CDH22: variants seen among roughly 807,000 people sequenced by gnomAD.
CDH22 encodes cadherin 22.
CDH22 carries 30 observed loss-of-function variants against 58.4 expected under a neutral mutation model. The ratio of observed to expected loss-of-function variants is 0.51; its 90% confidence interval spans 0.38 to 0.70. The LOEUF is 0.70. Ranked by LOEUF, CDH22 falls within the 30% of genes least tolerant of loss-of-function variation. CDH22 has a pLI of 0.00. For synonymous variants in CDH22, 513 were observed against 558.2 expected (o/e 0.92, Z 1.14); for missense variants, 1,014 against 1,233.9 (o/e 0.82, Z 2.67).
In CDH22 at chr20:46,251,053, A is replaced by C; in HGVS notation, c.242T>G (p.Leu81Arg). 6.2e-7 allele frequency: 1 copy of C among 1,609,894 alleles called. No individual in the cohort carries two copies. The highest frequency in any genetic ancestry group is 2.2e-5 in the East Asian group (1 of 44,466). Residue 81 changes from leucine (L) to arginine (R), a missense_variant, in exon 2 of 12, where the codon CTG becomes CGG. By Grantham distance (102) the Leu-to-Arg change is moderately radical. Coordinates refer to ENST00000537909, the MANE Select transcript of CDH22 (RefSeq NM_021248.3). The surrounding 1 kb of genome is among the most constrained non-coding windows in gnomAD (Gnocchi z 6.7). Reference sequence around the variant, plus strand: ...GCCCCACTTTACCTTGCCCACATACAGGGGCTCCGTGCCCGTGTACTCCTC... The same window carrying C: ...GCCCCACTTTACCTTGCCCACATACCGGGGCTCCGTGCCCGTGTACTCCTC... ...VVEEYTGTEP[L>R]YVGKIHSDSD... is the part of the protein sequence containing the mutation.
rs1284037302 is a variant in CDH22, at chr20:46,174,526, C to G, written c.2467G>C (p.Asp823His). 6.6e-7 allele frequency: 1 copy of G among 1,514,846 alleles called. No homozygotes were observed. Among genetic ancestry groups the G allele is most frequent in the Non-Finnish European group, 8.8e-7 (1 of 1,138,030 alleles). 93.8% of individuals were successfully genotyped at this position (1,514,846 alleles called of 1,614,324 possible). The change falls in exon 12 of 12, where the codon GAC (aspartate) becomes CAC (histidine). Residue 823 changes from aspartate to histidine, a missense_variant. Physicochemically the swap from Asp to His is moderately conservative, Grantham distance 81 (BLOSUM62 -1). Coordinates refer to ENST00000537909, the MANE Select transcript of CDH22 (RefSeq NM_021248.3). This position sits in a 1 kb window ranked among gnomAD's most constrained non-coding sequence, Gnocchi z 4.4. ...AGGGGCTAGGAGGCCTGGGCCTCGT[C>G]GTCCCCGCGGTGGCCGGCGTAGAGC... ...AALYAGHRGD[D>H]EAQAS
intron 1 of CDH22, among the ~76,000 whole-genome samples, chr20:46,266,670 C>T (rs1010804861): frequency 5.3e-5 from 8 of 152,172 alleles, no homozygotes; most frequent in Admixed American, 2.0e-4. Context: ...CTAGGCTGGA[C>T]GGCAAGTGGA....
Position 46,251,355 on chromosome 20 carries a change from C to T in CDH22, c.-61G>A, listed in dbSNP as rs1236316451. 1.4e-6 allele frequency: 2 copies of T among 1,398,890 alleles called. No homozygotes were observed. Among genetic ancestry groups the T allele is most frequent in the Non-Finnish European group, 1.8e-6 (2 of 1,084,684 alleles). 86.7% of individuals were successfully genotyped at this position (1,398,890 alleles called of 1,614,324 possible). A position where few individuals can be genotyped will look rare whatever the true frequency, so the allele number is the denominator to read the frequency against. On this transcript the variant is annotated 5_prime_UTR_variant, in exon 2 of 12. Transcript: ENST00000537909. This position sits in a 1 kb window ranked among gnomAD's most constrained non-coding sequence, Gnocchi z 6.7. ...GACGAGAGGCACCAGGGCGCCGCTG[C>T]TTGGTCGCACAACGATGCGGCGCCG...
chr20:46,253,209 G>T (rs2086389432), intron 1 of CDH22, among the ~76,000 whole-genome samples: 1 of 152,194 alleles, frequency 6.6e-6, no homozygotes, highest in Non-Finnish European at 1.5e-5. Flanking sequence ...TAACTCACGG[G>T]AATCACAACT....
intron 7 of CDH22, among the ~76,000 whole-genome samples, chr20:46,209,239 T>C (rs936309827): frequency 6.6e-6 from 1 of 152,082 alleles, no homozygotes; most frequent in African/African-American, 2.4e-5. Flanking sequence ...GAGCGAACTA[T>C]GGGGGCTATT....
intron 3 of CDH22, among the ~76,000 whole-genome samples, chr20:46,230,742 A>G (rs966230797): frequency 2.6e-5 from 4 of 152,220 alleles, no homozygotes; most frequent in Admixed American, 1.3e-4. Flanking sequence ...GGCTGAGTGA[A>G]GTTAAGTAAT....
chr20:46,186,634 C>T lies in CDH22; in HGVS notation c.1617G>A (p.Val539=). The change falls in exon 10 of 12, where the codon GTG becomes GTA. Residue 539 remains valine, a synonymous_variant. Coordinates refer to ENST00000537909, the MANE Select transcript of CDH22 (RefSeq NM_021248.3). Reference sequence around the variant, plus strand: ...AATGAGGGTTGCTGGGAGCTTCAGGCACCAGGCGGAAATAGAAGCGGTGCC... The same window carrying T: ...AATGAGGGTTGCTGGGAGCTTCAGGTACCAGGCGGAAATAGAAGCGGTGCC... ...QGGHRFYFRL[V]PEAPSNPHFS... 6.2e-7 allele frequency: 1 copy of T among 1,613,196 alleles called. No individual in the cohort carries two copies. Among genetic ancestry groups the T allele is most frequent in the Non-Finnish European group, 8.5e-7 (1 of 1,180,000 alleles).
At chr20:46,261,669 T>G (rs2145748191) in intron 1 of CDH22, among the ~76,000 whole-genome samples, 1 of 152,294 alleles carries the variant, frequency 6.6e-6, no homozygotes, top group African/African-American at 2.4e-5. Context: ...CTGCCCCCAC[T>G]GAGTCCCAGC....
intron 1 of CDH22, among the ~76,000 whole-genome samples, chr20:46,270,831 G>T (rs1225819275): frequency 6.6e-6 from 1 of 152,178 alleles, no homozygotes; most frequent in Non-Finnish European, 1.5e-5. Context: ...GCAGGAGCTG[G>T]GTTGACTTGG....
chr20:46,209,455 G>A (rs1397913038), intron 7 of CDH22, among the ~76,000 whole-genome samples: 5 of 152,122 alleles, frequency 3.3e-5, no homozygotes, highest in African/African-American at 4.8e-5. Context: ...CCTAGTAGGT[G>A]TCTTTGGAGG....
chr20:46,266,675 A>G (rs1290570421), intron 1 of CDH22, among the ~76,000 whole-genome samples: 2 of 152,190 alleles, frequency 1.3e-5, no homozygotes, highest in African/African-American at 4.8e-5. Context: ...CTGGACGGCA[A>G]GTGGAGTAGG....
chr20:46,191,333 G>T (rs1036261259), intron 8 of CDH22, among the ~76,000 whole-genome samples: 3 of 152,114 alleles, frequency 2.0e-5, no homozygotes, highest in African/African-American at 7.2e-5. Flanking sequence ...GGAGGATGTG[G>T]ATAATGAGAC....
chr20:46,259,681 C>A (rs1019023384), intron 1 of CDH22, among the ~76,000 whole-genome samples: 2 of 152,126 alleles, frequency 1.3e-5, no homozygotes, highest in African/African-American at 4.8e-5. Context: ...GGCATTGGAG[C>A]TGATCCTTGA....
chr20:46,204,829 G>A (rs907240570), intron 7 of CDH22, among the ~76,000 whole-genome samples: 1 of 152,172 alleles, frequency 6.6e-6, no homozygotes, highest in Non-Finnish European at 1.5e-5. Flanking sequence ...GCTGCTTCCT[G>A]GCTGGGGTGC....
chr20:46,262,330 T>C (rs2086437293), intron 1 of CDH22, among the ~76,000 whole-genome samples: 1 of 151,848 alleles, frequency 6.6e-6, no homozygotes, highest in Non-Finnish European at 1.5e-5. Flanking sequence ...GAGGGGATGA[T>C]CAGAGCTGGG....
At chr20:46,224,580 T>G (rs1331715689) in intron 4 of CDH22, among the ~76,000 whole-genome samples, 1 of 152,244 alleles carries the variant, frequency 6.6e-6, no homozygotes, top group African/African-American at 2.4e-5. Context: ...AGCTGAATTT[T>G]TTAGCTCTGC....
intron 8 of CDH22, among the ~76,000 whole-genome samples, chr20:46,190,831 G>A (rs2085857883): frequency 6.6e-6 from 1 of 152,118 alleles, no homozygotes; most frequent in Non-Finnish European, 1.5e-5. Flanking sequence ...GGGGGTCTGA[G>A]GGACCTGAGG....
chr20:46,175,203 T>A, intron 11 of CDH22, 126 bp from the exon 12 acceptor site: 1 of 877,970 alleles, frequency 1.1e-6, no homozygotes, highest in Non-Finnish European at 1.7e-6. Flanking sequence ...TTCCTACAGA[T>A]TTCCTGGATT....
At chr20:46,273,856 G>A (rs1243949523) in intron 1 of CDH22, among the ~76,000 whole-genome samples, 2 of 152,232 alleles carry the variant, frequency 1.3e-5, no homozygotes, top group Non-Finnish European at 2.9e-5. Flanking sequence ...GGGCAGAGAA[G>A]CAGGGACCAG....
Sources: allele counts gnomAD v4.1 joint callset (sites outside exome capture counted in the v4.1 genomes callset), GRCh38; gene constraint gnomAD v4.1.1; non-coding constraint Gnocchi (gnomAD v3.1); transcripts MANE v1.5; gene names NCBI Gene and HGNC (gene_info 2026-07-23, HGNC 2026-07-21).